The following COL25A1 variants were observed in gnomAD, a reference collection of about 807,000 sequenced individuals.
The protein encoded by COL25A1 is collagen alpha-1(XXV) chain.
In COL25A1, 103 loss-of-function variants were observed where a neutral mutation model predicts 128.4. That is an observed-to-expected ratio of 0.80 (90% CI 0.68 to 0.94). The LOEUF is 0.94. Among genes scored for constraint, COL25A1 ranks in the 40% least tolerant of loss-of-function variants. COL25A1 has a pLI of 0.00. For missense variants in COL25A1, 745 were observed against 840.0 expected (o/e 0.89, Z 1.40); for synonymous variants, 279 against 277.2 (o/e 1.01, Z -0.06).
At chr4:108,831,184 TATATTAATAA>T (rs1181179870) in intron 32 of COL25A1, among the ~76,000 whole-genome samples, 6 of 151,742 alleles carry the variant, frequency 4.0e-5, no homozygotes, top group South Asian at 2.1e-4. Context: ...GCATTCAGTA[TATATTAATAA>T]ATATTAATAA....
chr4:109,190,501 T>C (rs185924382), intron 3 of COL25A1, among the ~76,000 whole-genome samples: 60 of 152,306 alleles, frequency 3.9e-4, no homozygotes, highest in African/African-American at 1.1e-3. Flanking sequence ...ATTGTGGGGA[T>C]CATTGCCTCT....
intron 3 of COL25A1, among the ~76,000 whole-genome samples, chr4:109,142,947 CATT>C (rs1034212821): frequency 2.0e-5 from 3 of 152,132 alleles, no homozygotes; most frequent in South Asian, 2.1e-4. Flanking sequence ...TTCTTACTGT[CATT>C]ATGATGCTAG....
chr4:108,962,379 C>A (rs1338288800), intron 8 of COL25A1, among the ~76,000 whole-genome samples: 1 of 152,028 alleles, frequency 6.6e-6, no homozygotes, highest in Non-Finnish European at 1.5e-5. Context: ...CAGTGTTTCA[C>A]CACGTTGGCT....
In COL25A1 at chr4:109,239,392, GTGTATATATATA is replaced by G. The variant is rs1247844721; in HGVS notation, c.367+61179_367+61190del. The stretch of plus-strand genomic sequence containing the variant: ...TGTGTGTGTATGTGTGTGTGTGTGT[GTGTATATATATA>G]TATATATATATATATATATTTATTT... On this transcript the variant is annotated intron_variant, in intron 3 of 37. Coordinates refer to ENST00000399132, the MANE Select transcript of COL25A1 (RefSeq NM_198721.4). Among the ~76,000 whole-genome samples, 298 of 95,232 alleles carry G rather than the reference GTGTATATATATA, an allele frequency of 3.1e-3. 1 individual carries two copies. The highest frequency in any genetic ancestry group is 0.015 in the African/African-American group (278 of 18,660). The allele number at this position is 95,232 out of a possible 152,430, so 62.5% of individuals were successfully genotyped here.
chr4:108,935,328 G>A (rs7356132), intron 11 of COL25A1, among the ~76,000 whole-genome samples: 4,021 of 152,208 alleles, frequency 0.026, 126 homozygotes, highest in African/African-American at 0.075. Context: ...GCAACTGGGG[G>A]TAAAGAAGGG....
At chr4:109,133,146 T>G (rs1476590892) in intron 3 of COL25A1, among the ~76,000 whole-genome samples, 3 of 152,068 alleles carry the variant, frequency 2.0e-5, no homozygotes, top group Non-Finnish European at 4.4e-5. Context: ...GGTTTTCAGA[T>G]AGAATATAAT....
intron 11 of COL25A1, among the ~76,000 whole-genome samples, chr4:108,926,130 C>T (rs989621186): frequency 7.2e-5 from 11 of 152,120 alleles, no homozygotes; most frequent in African/African-American, 2.7e-4. Flanking sequence ...GATGTTAGCA[C>T]AAATTTGATT....
rs79342802 is a variant in COL25A1, at chr4:108,911,705, T to G, written c.780+6467A>C. ...AATCAGATGTAATATGTCAGTATTT[T>G]TGTGATTTCTTCTATAAAATGCAGT... is the stretch of plus-strand genomic sequence containing the variant. On this transcript the variant is annotated intron_variant, in intron 13 of 37. Coordinates refer to ENST00000399132, the MANE Select transcript of COL25A1 (RefSeq NM_198721.4). Among the ~76,000 whole-genome samples, 743 of 152,312 alleles carry G rather than the reference T, an allele frequency of 4.9e-3. 14 individuals carry two copies. In the East Asian group the frequency reaches 0.062, roughly 13 times the overall value.
intron 3 of COL25A1, among the ~76,000 whole-genome samples, chr4:109,137,058 C>A (rs188206769): frequency 6.6e-6 from 1 of 152,202 alleles, no homozygotes; most frequent in South Asian, 2.1e-4. Context: ...TTCCTAGACA[C>A]CTGACCCACA....
rs144527580 is a variant in COL25A1, at chr4:109,182,248, C to A, written c.367+118335G>T. ...ATTGCTGAATTATGTGGTAGTTTGA[C>A]TTAATTTTTTGAGGAACCTCCACAC... is the stretch of plus-strand genomic sequence containing the variant. On this transcript the variant is annotated intron_variant, in intron 3 of 37. Transcript: ENST00000399132. 2.0e-3 allele frequency among the ~76,000 whole-genome samples: 308 copies of A among 152,150 alleles called. 1 individual carries two copies. Among genetic ancestry groups the A allele is most frequent in the African/African-American group, 6.9e-3 (287 of 41,534 alleles).
chr4:108,819,389 C>T (rs1731554214), intron 35 of COL25A1, 60 bp from the exon 36 acceptor site: 6 of 1,388,988 alleles, frequency 4.3e-6, no homozygotes, highest in Non-Finnish European at 6.0e-6. Flanking sequence ...AGCACAAATT[C>T]TGCGAAAGAA....
At chr4:108,907,055 A>G (rs1743615218) in intron 13 of COL25A1, among the ~76,000 whole-genome samples, 1 of 152,208 alleles carries the variant, frequency 6.6e-6, no homozygotes, top group Non-Finnish European at 1.5e-5. Flanking sequence ...GAAGGGAGCA[A>G]GGAAAAGATG....
At chr4:109,283,492 G>C (rs1312222067) in intron 3 of COL25A1, among the ~76,000 whole-genome samples, 2 of 151,924 alleles carry the variant, frequency 1.3e-5, no homozygotes, top group African/African-American at 4.8e-5. Flanking sequence ...CAAACTCCTG[G>C]GCTTAAGTGA....
intron 3 of COL25A1, among the ~76,000 whole-genome samples, chr4:109,225,770 A>C (rs6825027): frequency 0.086 from 13,092 of 151,952 alleles, 1,162 homozygotes; most frequent in African/African-American, 0.23. Flanking sequence ...TATATTGTTA[A>C]ATATCTGTTT....
chr4:108,981,322 G>A (rs1176471452), intron 6 of COL25A1, among the ~76,000 whole-genome samples: 1 of 152,086 alleles, frequency 6.6e-6, no homozygotes, highest in Non-Finnish European at 1.5e-5. Flanking sequence ...CTGTTTTACT[G>A]GCACACATTT....
intron 3 of COL25A1, among the ~76,000 whole-genome samples, chr4:109,051,648 C>CACAG (rs33959198): frequency 7.0e-5 from 10 of 142,370 alleles, no homozygotes; most frequent in Admixed American, 2.1e-4. Flanking sequence ...CACACACACA[C>CACAG]AGACATAATC....
chr4:108,868,948 AGAAAGAAAGAAAAAG>A, intron 20 of COL25A1, 125 bp downstream of exon 20: 1 of 564,948 alleles, frequency 1.8e-6, no homozygotes, highest in Non-Finnish European at 3.1e-6. Context: ...AAGAAAGAAA[AGAAAGAAAGAAAAAG>A]GAAAGAAAGG....
At chr4:108,871,876 T>C (rs922931713) in intron 19 of COL25A1, among the ~76,000 whole-genome samples, 1 of 152,154 alleles carries the variant, frequency 6.6e-6, no homozygotes, top group African/African-American at 2.4e-5. Flanking sequence ...CTTTTTTCTC[T>C]CTCAGACTTC....
At chr4:109,069,995 A>G (rs2125981114) in intron 3 of COL25A1, among the ~76,000 whole-genome samples, 1 of 149,192 alleles carries the variant, frequency 6.7e-6, no homozygotes, top group East Asian at 2.0e-4. Context: ...AAACCCTCTC[A>G]CCTGTAATCC....
Sources: gnomAD v4.1 joint callset for allele counts (sites outside exome capture counted in the v4.1 genomes callset) on GRCh38, gnomAD v4.1.1 for gene constraint, MANE v1.5 for transcripts, NCBI Gene and HGNC (gene_info 2026-07-23, HGNC 2026-07-21) for gene names.